MAML2: variants seen among roughly 807,000 people sequenced by gnomAD.
The protein encoded by MAML2 is mastermind-like protein 2.
MAML2 carries 22 observed loss-of-function variants against 96.1 expected under a neutral mutation model. The observed-to-expected ratio is 0.23, with a 90% CI of 0.16 to 0.33. The LOEUF (loss-of-function observed/expected upper bound fraction) is 0.33, where lower values mean the gene tolerates loss of function less well. Among genes scored for constraint, MAML2 ranks in the 10% least tolerant of loss-of-function variants. The probability of loss-of-function intolerance (pLI) is 1.00; values close to 1 mark genes in which losing one functional copy is unlikely to be tolerated. For synonymous variants in MAML2, 561 were observed against 521.3 expected (o/e 1.08, Z -1.04); for missense variants, 1,367 against 1,392.4 (o/e 0.98, Z 0.29).
intron 1 of MAML2, among the ~76,000 whole-genome samples, chr11:96,136,028 C>G (rs773361733): frequency 4.6e-5 from 7 of 152,120 alleles, no homozygotes; most frequent in Non-Finnish European, 7.3e-5. Context: ...GGCACCAAGC[C>G]GACCTGCACT....
chr11:96,197,556 G>A (rs556726216), intron 1 of MAML2, among the ~76,000 whole-genome samples: 12 of 152,210 alleles, frequency 7.9e-5, no homozygotes, highest in South Asian at 2.1e-4. Context: ...CTCATTTCTC[G>A]TATCTTTATT....
intron 1 of MAML2, among the ~76,000 whole-genome samples, chr11:96,132,986 G>A (rs1255002663): frequency 6.6e-6 from 1 of 152,126 alleles, no homozygotes; most frequent in Non-Finnish European, 1.5e-5. Context: ...TACAATATTA[G>A]AGTAAAAATT....
intron 2 of MAML2, among the ~76,000 whole-genome samples, chr11:96,026,264 C>T (rs1025413655): frequency 3.9e-5 from 6 of 152,198 alleles, no homozygotes; most frequent in Non-Finnish European, 8.8e-5. Flanking sequence ...TGCAGCCCTG[C>T]GGCTAAAGTT....
chr11:96,266,197 G>T (rs1263006091), intron 1 of MAML2, among the ~76,000 whole-genome samples: 1 of 152,120 alleles, frequency 6.6e-6, no homozygotes, highest in Admixed American at 6.5e-5. Context: ...TACACCCTGC[G>T]AGGGGGACAA....
rs150656794 is a variant in MAML2 at position 96,252,022 on chromosome 11, G to A, written c.513+89361C>T. On this transcript the variant is annotated intron_variant, in intron 1 of 4. Transcript: ENST00000524717. Reference sequence around the variant, plus strand: ...GCTGGGATTACAGGCATGAGCCACCGCGCCCAGTCAATACAAACCCTTTCA... The same window carrying A: ...GCTGGGATTACAGGCATGAGCCACCACGCCCAGTCAATACAAACCCTTTCA... Among the ~76,000 whole-genome samples, 974 of 152,194 alleles carry A rather than the reference G, an allele frequency of 6.4e-3. 9 individuals carry two copies. The highest frequency in any genetic ancestry group is 0.021 in the African/African-American group (882 of 41,528).
At chr11:96,004,373 C>G (rs1047627474) in intron 2 of MAML2, among the ~76,000 whole-genome samples, 2 of 151,994 alleles carry the variant, frequency 1.3e-5, no homozygotes, top group East Asian at 1.9e-4. Context: ...TGAAACAAAT[C>G]CGGAATAAAA....
chr11:96,277,055 T>C (rs1384068121), intron 1 of MAML2, among the ~76,000 whole-genome samples: 1 of 152,084 alleles, frequency 6.6e-6, no homozygotes, highest in Non-Finnish European at 1.5e-5. Context: ...GCATGAAAGA[T>C]AAGCTCAGAT....
chr11:96,324,572 G>A (rs1010301251), intron 1 of MAML2, among the ~76,000 whole-genome samples: 2 of 152,060 alleles, frequency 1.3e-5, no homozygotes, highest in Non-Finnish European at 2.9e-5. Flanking sequence ...TGTAGGCCAT[G>A]GAAATACAAA....
intron 2 of MAML2, among the ~76,000 whole-genome samples, chr11:96,018,685 C>A (rs1858391679): frequency 6.6e-6 from 1 of 152,220 alleles, no homozygotes; most frequent in Non-Finnish European, 1.5e-5. Context: ...CAACCTCTGC[C>A]TCCCAGGTTC....
At chr11:96,103,523 C>T (rs530731969) in intron 1 of MAML2, among the ~76,000 whole-genome samples, 15 of 152,238 alleles carry the variant, frequency 9.9e-5, no homozygotes, top group East Asian at 3.9e-4. Context: ...TCATTATTTT[C>T]GGGTTTGTAC....
intron 1 of MAML2, among the ~76,000 whole-genome samples, chr11:96,199,618 G>A (rs1861786751): frequency 1.3e-5 from 2 of 151,916 alleles, no homozygotes; most frequent in South Asian, 4.2e-4. Flanking sequence ...GGCTATGGCG[G>A]TTCTATTGTT....
rs1859758653 is a variant in MAML2, at chr11:96,093,096, T to A, written c.935A>T (p.Glu312Val). The A allele has an allele frequency of 6.2e-7, 1 of 1,613,896 alleles. No individual in the cohort carries two copies. Residue 312 changes from glutamate (E) to valine (V), a missense_variant, in exon 2 of 5, where the codon GAA (glutamate) becomes GTA (valine). Physicochemically the swap from Glu to Val is moderately radical, Grantham distance 121 (BLOSUM62 -2). Transcript: ENST00000524717. The stretch of plus-strand genomic sequence containing the variant: ...GGGAGGCACAGATATGTTGGTCAGT[T>A]CATTGAACAGTTCCTGCAGCTCAGG... ...MDPELQELFN[E>V]LTNISVPPMS...
chr11:96,130,257 T>C (rs1344887891), intron 1 of MAML2, among the ~76,000 whole-genome samples: 1 of 152,218 alleles, frequency 6.6e-6, no homozygotes, highest in East Asian at 1.9e-4. Flanking sequence ...ATCCACCTGC[T>C]TCACTAAGTC....
chr11:96,245,704 A>ATT (rs1565261056), intron 1 of MAML2, among the ~76,000 whole-genome samples: 1 of 102,666 alleles, frequency 9.7e-6, no homozygotes, highest in South Asian at 3.1e-4. Flanking sequence ...ACCCATACCT[A>ATT]ATTTTTTTTT....
chr11:96,312,056 C>CA (rs1863548973), intron 1 of MAML2, among the ~76,000 whole-genome samples: 1 of 151,582 alleles, frequency 6.6e-6, no homozygotes, highest in Non-Finnish European at 1.5e-5. Flanking sequence ...CCTGTCTCTA[C>CA]AAAAACACAA....
At chr11:96,317,541 C>T (rs1863648132) in intron 1 of MAML2, among the ~76,000 whole-genome samples, 1 of 152,212 alleles carries the variant, frequency 6.6e-6, no homozygotes, top group African/African-American at 2.4e-5. Context: ...TACCAACCTA[C>T]TGAATTGTTA....
chr11:96,222,109 G>A (rs1862148918), intron 1 of MAML2, among the ~76,000 whole-genome samples: 1 of 152,146 alleles, frequency 6.6e-6, no homozygotes, highest in Non-Finnish European at 1.5e-5. Flanking sequence ...CAGGCTGGCA[G>A]CCTCTCTTCC....
intron 1 of MAML2, among the ~76,000 whole-genome samples, chr11:96,187,540 G>T (rs1861591987): frequency 1.3e-5 from 2 of 152,178 alleles, no homozygotes; most frequent in East Asian, 1.9e-4. Context: ...CGGGTGCGGT[G>T]GCTCACGCCT....
chr11:96,323,816 T>C (rs1158162580), intron 1 of MAML2, among the ~76,000 whole-genome samples: 2 of 152,216 alleles, frequency 1.3e-5, no homozygotes, highest in Non-Finnish European at 2.9e-5. Context: ...TTTCCCATCA[T>C]GCGTAGGTAT....
Sources: allele counts gnomAD v4.1 joint callset (sites outside exome capture counted in the v4.1 genomes callset), GRCh38; gene constraint gnomAD v4.1.1; transcripts MANE v1.5; gene names NCBI Gene and HGNC (gene_info 2026-07-23, HGNC 2026-07-21).